Variants in ITGB6 observed in about 807,000 individuals in gnomAD.
ITGB6 encodes integrin beta-6.
A neutral mutation model predicts 84.5 loss-of-function variants in ITGB6; 80 were observed. The ratio of observed to expected loss-of-function variants is 0.95; its 90% CI spans 0.79 to 1.14. The LOEUF is 1.14. Ranked by LOEUF, ITGB6 falls within the 50% of genes most tolerant of loss-of-function variation. ITGB6 has a pLI of 0.00. For synonymous variants in ITGB6, 383 were observed against 354.9 expected (o/e 1.08, Z -0.89); for missense variants, 1,006 against 968.0 (o/e 1.04, Z -0.52).
chr2:160,177,146 G>A (rs1474150406), intron 4 of ITGB6, among the ~76,000 whole-genome samples: 2 of 151,850 alleles, frequency 1.3e-5, no homozygotes, highest in Non-Finnish European at 2.9e-5. Context: ...GCATTTGTTA[G>A]TTTTAATTTT....
At chr2:160,158,458 G>T (rs1684705500) in intron 7 of ITGB6, among the ~76,000 whole-genome samples, 1 of 152,138 alleles carries the variant, frequency 6.6e-6, no homozygotes, top group Non-Finnish European at 1.5e-5. Context: ...GAACAAAGAG[G>T]CTACATTGAG....
intron 7 of ITGB6, among the ~76,000 whole-genome samples, chr2:160,143,771 A>C (rs552632248): frequency 6.6e-6 from 1 of 152,318 alleles, no homozygotes; most frequent in East Asian, 1.9e-4. Flanking sequence ...CATTAATTAT[A>C]ATAGTGATAC....
At chr2:160,187,807 A>G (rs563391519) in intron 4 of ITGB6, among the ~76,000 whole-genome samples, 34 of 152,264 alleles carry the variant, frequency 2.2e-4, no homozygotes, top group African/African-American at 8.2e-4. Flanking sequence ...TTATTTTAAA[A>G]TGTTTCTGTT....
chr2:160,114,620 G>A (rs550190601), intron 12 of ITGB6, among the ~76,000 whole-genome samples: 29 of 152,298 alleles, frequency 1.9e-4, no homozygotes, highest in African/African-American at 4.3e-4. Context: ...CTGAGGTACC[G>A]GGTTCATCTC....
intron 7 of ITGB6, among the ~76,000 whole-genome samples, chr2:160,144,571 A>G (rs1315736903): frequency 1.3e-5 from 2 of 152,226 alleles, no homozygotes; most frequent in Non-Finnish European, 2.9e-5. Context: ...CGCTTGACAA[A>G]GAAAAGTTTT....
chr2:160,137,363 T>G, intron 10 of ITGB6, 71 bp downstream of exon 10: 3 of 1,427,918 alleles, frequency 2.1e-6, no homozygotes, highest in Non-Finnish European at 2.9e-6. Flanking sequence ...AACTGGAAGG[T>G]GCAGAGGATG....
intron 11 of ITGB6, among the ~76,000 whole-genome samples, chr2:160,124,588 T>C (rs1339306703): frequency 6.6e-6 from 1 of 152,248 alleles, no homozygotes; most frequent in Non-Finnish European, 1.5e-5. Flanking sequence ...GAATTAATCT[T>C]GTGCTGAAAA....
At position 160,186,358 on chromosome 2, in the gene ITGB6, T is replaced by A. The variant is rs530093045; in HGVS notation, c.593+9011A>T. Among the ~76,000 whole-genome samples, 6 of 149,616 alleles carry A rather than the reference T, an allele frequency of 4.0e-5. No individual in the cohort carries two copies. The South Asian group carries it at 1.3e-3, about 31-fold the overall frequency. On this transcript the variant is annotated intron_variant, in intron 4 of 14. Coordinates refer to ENST00000283249, the MANE Select transcript of ITGB6 (RefSeq NM_000888.5). ...GACATTTATACGGCCAAGAAACATA[T>A]GAAAAAAAGCTCATCATCACTGGTC...
intron 6 of ITGB6, 119 bp downstream of exon 6, chr2:160,172,450 A>C (rs1559193752): frequency 1.0e-6 from 1 of 990,802 alleles, no homozygotes; most frequent in Admixed American, 2.1e-5. Context: ...TGTTAATCCC[A>C]CATTAGAAAA....
intron 12 of ITGB6, among the ~76,000 whole-genome samples, chr2:160,113,214 T>A (rs2105781827): frequency 6.6e-6 from 1 of 152,300 alleles, no homozygotes; most frequent in East Asian, 1.9e-4. Flanking sequence ...TTGGACATAC[T>A]CCTACTAGAC....
At chr2:160,123,211 G>C (rs1034387905) in intron 12 of ITGB6, among the ~76,000 whole-genome samples, 1 of 152,182 alleles carries the variant, frequency 6.6e-6, no homozygotes, top group Non-Finnish European at 1.5e-5. Context: ...TTGCTTAGCC[G>C]TTAAAGAGAA....
At chr2:160,124,142 T>C (rs1215202504) in intron 11 of ITGB6, among the ~76,000 whole-genome samples, 2 of 152,248 alleles carry the variant, frequency 1.3e-5, no homozygotes, top group East Asian at 1.9e-4. Flanking sequence ...CCTGTAATGA[T>C]TGCTCCTGAT....
intron 4 of ITGB6, among the ~76,000 whole-genome samples, chr2:160,190,971 C>T (rs565946638): frequency 6.6e-6 from 1 of 152,242 alleles, no homozygotes; most frequent in African/African-American, 2.4e-5. Flanking sequence ...GTTGGAATTG[C>T]CCTACTAATC....
chr2:160,148,969 C>T (rs951225754), intron 7 of ITGB6, among the ~76,000 whole-genome samples: 1 of 152,264 alleles, frequency 6.6e-6, no homozygotes, highest in Non-Finnish European at 1.5e-5. Flanking sequence ...GTGGAGCCCA[C>T]CACAGCTCAA....
chr2:160,179,931 CT>C (rs1685592321), intron 4 of ITGB6, among the ~76,000 whole-genome samples: 1 of 116,232 alleles, frequency 8.6e-6, no homozygotes, highest in Non-Finnish European at 1.7e-5. Context: ...AACCCTGTCT[CT>C]ACTAAAAATA....
intron 10 of ITGB6, among the ~76,000 whole-genome samples, chr2:160,131,948 A>G (rs943348286): frequency 2.0e-5 from 3 of 152,172 alleles, no homozygotes; most frequent in Non-Finnish European, 4.4e-5. Context: ...AGAGTTCAGC[A>G]TTTTATACTG....
At chr2:160,111,992 G>T in intron 13 of ITGB6, 88 bp downstream of exon 13, 3 of 1,332,200 alleles carry the variant, frequency 2.3e-6, no homozygotes, top group Admixed American at 2.3e-5. Context: ...TGTCTTTCCT[G>T]GCATGCTACC....
chr2:160,102,478 G>GT (rs1574026267), intron 14 of ITGB6, among the ~76,000 whole-genome samples: 1 of 152,186 alleles, frequency 6.6e-6, no homozygotes, highest in East Asian at 1.9e-4. Context: ...GTACAACACT[G>GT]TGTAAGACAA....
intron 13 of ITGB6, among the ~76,000 whole-genome samples, chr2:160,108,114 A>G (rs1196411327): frequency 6.6e-6 from 1 of 152,186 alleles, no homozygotes; most frequent in Non-Finnish European, 1.5e-5. Flanking sequence ...AATCCAAAAG[A>G]GTGATAATTA....
Sources: gnomAD v4.1 joint callset for allele counts (sites outside exome capture counted in the v4.1 genomes callset) on GRCh38, gnomAD v4.1.1 for gene constraint, MANE v1.5 for transcripts, NCBI Gene and HGNC (gene_info 2026-07-23, HGNC 2026-07-21) for gene names.